B4GALNT2: variants seen among roughly 807,000 people sequenced by gnomAD.
B4GALNT2 encodes beta-1,4-N-acetyl-galactosaminyltransferase 2 (SID blood group), also known as N-acetylneuraminylgalactosylglucosyl-glucoside beta-1,4-N- acetylgalactosaminyltransferase 2.
B4GALNT2 carries 42 observed loss-of-function variants against 51.1 expected under a neutral mutation model. That is an observed-to-expected ratio of 0.82 (90% CI 0.64 to 1.06). The LOEUF (loss-of-function observed/expected upper bound fraction) is 1.06, where lower values mean the gene tolerates loss of function less well. Among genes scored for constraint, B4GALNT2 ranks in the 50% least tolerant of loss-of-function variants. The pLI is 0.00. For synonymous variants in B4GALNT2, 253 were observed against 251.7 expected (o/e 1.01, Z -0.05); for missense variants, 602 against 633.6 (o/e 0.95, Z 0.54).
chr17:49,123,614 T>C, the B4GALNT2 span, among the ~76,000 whole-genome samples: 1 of 152,188 alleles, frequency 6.6e-6, no homozygotes. Flanking sequence ...GCCTTTTAAA[T>C]TGGCATTGAT....
Position 49,171,665 on chromosome 17 carries a change from C to T in B4GALNT2, c.*1937C>T, listed in dbSNP as rs1207625894. Reference sequence around the variant, plus strand: ...CTACCATCTGACTGTTTTGTTTAGACCAGCTGAACATAGTGTGGCTGTGGC... The same window carrying T: ...CTACCATCTGACTGTTTTGTTTAGATCAGCTGAACATAGTGTGGCTGTGGC... On this transcript the variant is annotated 3_prime_UTR_variant, in exon 11 of 11. Coordinates refer to ENST00000393354, the MANE Select transcript of B4GALNT2 (RefSeq NM_001159387.2). 2.6e-6 allele frequency: 1 copy of T among 388,700 alleles called. No individual in the cohort carries two copies. Among genetic ancestry groups the T allele is most frequent in the Non-Finnish European group, 4.9e-6 (1 of 203,126 alleles). The allele number at this position is 388,700 out of a possible 1,614,324, so 24.1% of individuals were successfully genotyped here.
chr17:49,134,810 C>T (rs887568917), intron 1 of B4GALNT2, among the ~76,000 whole-genome samples: 1 of 152,020 alleles, frequency 6.6e-6, no homozygotes, highest in Non-Finnish European at 1.5e-5. Context: ...AAGCTAGTCC[C>T]GAACTCCTGA....
chr17:49,131,433 C>T (rs1462375035), upstream of B4GALNT2, among the ~76,000 whole-genome samples: 1 of 131,804 alleles, frequency 7.6e-6, no homozygotes, highest in East Asian at 2.5e-4. Context: ...TCCTTCTACT[C>T]TTTTCCAAGA....
chr17:49,125,652 G>C, the B4GALNT2 span, among the ~76,000 whole-genome samples: 4 of 147,230 alleles, frequency 2.7e-5, no homozygotes, highest in African/African-American at 1.0e-4. Context: ...GGCCCCGTCT[G>C]GGGGGTGAGG....
chr17:49,152,532 C>T (rs772954905), intron 3 of B4GALNT2, among the ~76,000 whole-genome samples: 1 of 152,106 alleles, frequency 6.6e-6, no homozygotes, highest in African/African-American at 2.4e-5. Flanking sequence ...CAAAATTAGC[C>T]GGGCGTGGAG....
At chr17:49,149,512 T>C (rs2042729261) in intron 3 of B4GALNT2, among the ~76,000 whole-genome samples, 1 of 151,896 alleles carries the variant, frequency 6.6e-6, no homozygotes, top group Admixed American at 6.6e-5. Flanking sequence ...CTGGACATGG[T>C]GGTGTATGCC....
upstream of B4GALNT2, among the ~76,000 whole-genome samples, chr17:49,131,428 C>T (rs904505346): frequency 7.2e-6 from 1 of 138,124 alleles, no homozygotes; most frequent in African/African-American, 2.7e-5. Context: ...GCATTTCCTT[C>T]TACTCTTTTC....
upstream of B4GALNT2, among the ~76,000 whole-genome samples, chr17:49,130,604 C>T (rs1377334258): frequency 6.6e-6 from 1 of 152,184 alleles, no homozygotes; most frequent in Admixed American, 6.5e-5. Context: ...CACCACTGCA[C>T]TCCAGCTTGG....
chr17:49,130,659 G>GA (rs34451005), upstream of B4GALNT2, among the ~76,000 whole-genome samples: 80,200 of 151,830 alleles, frequency 0.53, 21,471 homozygotes, highest in Middle Eastern at 0.62. Context: ...ATGTCTAGTT[G>GA]TGTATTACTC....
At chr17:49,137,060 C>G (rs2042597167) in intron 1 of B4GALNT2, among the ~76,000 whole-genome samples, 1 of 150,450 alleles carries the variant, frequency 6.6e-6, no homozygotes, top group Non-Finnish European at 1.5e-5. Context: ...TTACCAGAAA[C>G]CCACTTTTTT....
chr17:49,129,167 T>G (rs1598189950), upstream of B4GALNT2, among the ~76,000 whole-genome samples: 3 of 142,084 alleles, frequency 2.1e-5, no homozygotes, highest in Admixed American at 7.2e-5. Flanking sequence ...AGAAGTGGGG[T>G]GGTGGGGAGA....
At chr17:49,122,423 T>A in the B4GALNT2 span, among the ~76,000 whole-genome samples, 1 of 152,202 alleles carries the variant, frequency 6.6e-6, no homozygotes, top group African/African-American at 2.4e-5. Flanking sequence ...ATGTCGTCTG[T>A]AGATGTTTTT....
chr17:49,155,647 T>C (rs1439698351), intron 4 of B4GALNT2, among the ~76,000 whole-genome samples: 1 of 148,324 alleles, frequency 6.7e-6, no homozygotes, highest in East Asian at 1.9e-4. Flanking sequence ...ATATATTATA[T>C]TAATGTTATA....
chr17:49,152,806 G>T lies in B4GALNT2; in HGVS notation c.360G>T (p.Gly120=). The T allele has an allele frequency of 1.9e-6, 3 of 1,597,220 alleles. No homozygotes were observed. The highest frequency in any genetic ancestry group is 2.6e-6 in the Non-Finnish European group (3 of 1,171,936). Residue 120 remains glycine (G), a synonymous_variant, in exon 4 of 11, where the codon GGG becomes GGT. Coordinates refer to ENST00000393354, the MANE Select transcript of B4GALNT2 (RefSeq NM_001159387.2). ...AEFEHFQRRE[G]LPRPLPLLVQ... is the part of the protein sequence containing the mutation. The stretch of plus-strand genomic sequence containing the variant: ...TCTGTTCTCCTTCCTGCAGAGAAGG[G>T]CTGCCCCGCCCACTGCCCCTGCTGG...
At chr17:49,135,758 C>G (rs1200456778) in intron 1 of B4GALNT2, among the ~76,000 whole-genome samples, 1 of 151,006 alleles carries the variant, frequency 6.6e-6, no homozygotes, top group East Asian at 2.0e-4. Context: ...TAGTGAGAGC[C>G]TGGCTCTAAA....
intron 8 of B4GALNT2, among the ~76,000 whole-genome samples, chr17:49,165,326 C>T (rs1432974637): frequency 6.7e-6 from 1 of 149,580 alleles, no homozygotes; most frequent in East Asian, 2.0e-4. Context: ...CTCTCTCCTT[C>T]TCCCTCTCTT....
chr17:49,175,843 T>G lies in B4GALNT2; in HGVS notation c.*6115T>G, dbSNP rs1176847155. On this transcript the variant is annotated 3_prime_UTR_variant, in exon 11 of 11. Coordinates refer to ENST00000393354, the MANE Select transcript of B4GALNT2 (RefSeq NM_001159387.2). ...CAGTGTCCTCTGGAAAAGAAAGATC[T>G]GTAGGGTCAGGTCACTCTTTTTCTT... The G allele has an allele frequency of 6.6e-6, 1 of 152,144 alleles. No individual in the cohort carries two copies. The highest frequency in any genetic ancestry group is 1.5e-5 in the Non-Finnish European group (1 of 68,032). 9.4% of individuals were successfully genotyped at this position (152,144 alleles called of 1,614,324 possible).
Position 49,136,062 on chromosome 17 carries a change from A to G in B4GALNT2, c.14+3256A>G, listed in dbSNP as rs113665124. Among the ~76,000 whole-genome samples, 358 of 150,492 alleles carry G rather than the reference A, an allele frequency of 2.4e-3. 6 individuals carry two copies. The highest frequency in any genetic ancestry group is 8.0e-3 in the African/African-American group (327 of 40,918). On this transcript the variant is annotated intron_variant, in intron 1 of 10. Transcript: ENST00000393354. ...CACGCCACTGCACTCCAGCCTGGGCAACAGAGCGAGACTCTGGATCAAAAA... is the reference window on the plus strand; with the variant it reads ...CACGCCACTGCACTCCAGCCTGGGCGACAGAGCGAGACTCTGGATCAAAAA...
intron 3 of B4GALNT2, among the ~76,000 whole-genome samples, chr17:49,150,072 G>T (rs867224961): frequency 1.3e-5 from 2 of 152,164 alleles, no homozygotes; most frequent in African/African-American, 4.8e-5. Flanking sequence ...TGGAGGTCGG[G>T]GGGGGTCAGC....
Sources: allele counts gnomAD v4.1 joint callset (sites outside exome capture counted in the v4.1 genomes callset), GRCh38; gene constraint gnomAD v4.1.1; transcripts MANE v1.5; gene names NCBI Gene and HGNC (gene_info 2026-07-23, HGNC 2026-07-21).